The following OPHN1 variants were observed in gnomAD, a reference collection of about 807,000 sequenced individuals.
The protein encoded by OPHN1 is oligophrenin 1, also known as oligophrenin-1.
OPHN1 carries 11 observed loss-of-function variants against 60.7 expected under a neutral mutation model. The ratio of observed to expected loss-of-function variants is 0.18; its 90% CI spans 0.11 to 0.30. The LOEUF is 0.30. OPHN1 is among the 10% of genes least tolerant of loss of function. The pLI is 1.00. For synonymous variants in OPHN1, 226 were observed against 222.6 expected, an observed-to-expected ratio of 1.02 and a Z score of -0.14; for missense variants, 449 against 611.0, an observed-to-expected ratio of 0.73 and a Z score of 2.80.
At chrX:68,225,694 G>C (rs745773955) in intron 6 of OPHN1, among the ~76,000 whole-genome samples, 1 of 112,057 alleles carries the variant, frequency 8.9e-6, no homozygotes, top group African/African-American at 3.2e-5. Flanking sequence ...CAAACAGAAA[G>C]GACATCCACA....
intron 17 of OPHN1, among the ~76,000 whole-genome samples, 191 bp downstream of exon 17, chrX:68,112,990 A>C (rs1453325042): frequency 8.9e-6 from 1 of 112,200 alleles, no homozygotes; most frequent in Admixed American, 9.5e-5. Context: ...AACACTAATT[A>C]TGAAAAATAA....
chrX:68,083,054 CTTTTTTT>C (rs869083899), intron 19 of OPHN1, among the ~76,000 whole-genome samples: 39 of 37,453 alleles, frequency 1.0e-3, no homozygotes, highest in Non-Finnish European at 1.3e-3. Flanking sequence ...CTGCTAGTTT[CTTTTTTT>C]TTTTTTTTTT....
At position 68,356,640 on chromosome X, in the gene OPHN1, T is replaced by C. The variant is rs754940972; in HGVS notation, c.155-57544A>G. ...GTTGCCCAGGCTGGTGTCAAACTCC[T>C]GACCTCAAGTGATCCACTTGCCTTG... On this transcript the variant is annotated intron_variant, in intron 2 of 24. Transcript: ENST00000355520. Among the ~76,000 whole-genome samples, 403 of 111,070 alleles carry C rather than the reference T, an allele frequency of 3.6e-3. 1 individual carries two copies. The highest frequency in any genetic ancestry group is 5.9e-3 in the Non-Finnish European group (312 of 53,075).
At chrX:68,277,689 G>C (rs898712609) in intron 4 of OPHN1, among the ~76,000 whole-genome samples, 1 of 111,476 alleles carries the variant, frequency 9.0e-6, no homozygotes, top group Admixed American at 9.5e-5. Context: ...TACTCGGGAG[G>C]CTGAGGCAGG....
At chrX:68,285,309 T>C (rs2078036419) in intron 3 of OPHN1, among the ~76,000 whole-genome samples, 1 of 111,808 alleles carries the variant, frequency 8.9e-6, no homozygotes, top group African/African-American at 3.2e-5. Context: ...GTTGGAAAGT[T>C]TGGTTATTGA....
intron 2 of OPHN1, among the ~76,000 whole-genome samples, chrX:68,374,095 T>A (rs6625301): frequency 9.0e-6 from 1 of 110,859 alleles, no homozygotes; most frequent in South Asian, 3.8e-4. Flanking sequence ...CGGTGGCTCA[T>A]GCCTGTAATC....
intron 5 of OPHN1, among the ~76,000 whole-genome samples, chrX:68,257,019 G>A (rs895686457): frequency 9.5e-6 from 1 of 105,146 alleles, no homozygotes; most frequent in African/African-American, 3.5e-5. Context: ...GTGACAGAGC[G>A]AGACTCCATC....
At chrX:68,119,760 G>A (rs765149463) in intron 15 of OPHN1, among the ~76,000 whole-genome samples, 4 of 111,055 alleles carry the variant, frequency 3.6e-5, no homozygotes, top group South Asian at 3.9e-4. Context: ...TAATATGCTC[G>A]GATTTGAGAG....
chrX:68,323,055 C>A (rs2078243181), intron 2 of OPHN1, among the ~76,000 whole-genome samples: 1 of 111,014 alleles, frequency 9.0e-6, no homozygotes, highest in South Asian at 3.8e-4. Flanking sequence ...AAAGGGGTAG[C>A]ATGAAGGAAG....
intron 5 of OPHN1, among the ~76,000 whole-genome samples, chrX:68,240,346 T>G (rs1446082930): frequency 8.9e-6 from 1 of 111,972 alleles, no homozygotes; most frequent in African/African-American, 3.2e-5. Flanking sequence ...ATGAAAGGAT[T>G]TGAACCGACT....
chrX:68,376,668 G>A (rs751901435), intron 2 of OPHN1, among the ~76,000 whole-genome samples: 2 of 110,820 alleles, frequency 1.8e-5, no homozygotes, highest in Non-Finnish European at 3.8e-5. Flanking sequence ...CTCCCTGAAG[G>A]CTGCCTTGGC....
intron 23 of OPHN1, among the ~76,000 whole-genome samples, chrX:68,048,817 C>A (rs919789203): frequency 9.0e-6 from 1 of 111,714 alleles, no homozygotes. Flanking sequence ...AAAGATGAAT[C>A]CTCCTTTGCC....
intron 2 of OPHN1, among the ~76,000 whole-genome samples, chrX:68,399,805 G>A (rs1602388840): frequency 9.6e-6 from 1 of 103,780 alleles, no homozygotes; most frequent in Non-Finnish European, 2.0e-5. Flanking sequence ...CATTGGTCTT[G>A]TTTTAGTTTC....
At chrX:68,219,371 A>C (rs376648516) in intron 6 of OPHN1, among the ~76,000 whole-genome samples, 25 of 96,175 alleles carry the variant, frequency 2.6e-4, no homozygotes, top group African/African-American at 3.4e-4. Flanking sequence ...GACAGATCAA[A>C]GAGACAGAAA....
chrX:68,202,430 T>A (rs7885177), intron 10 of OPHN1, among the ~76,000 whole-genome samples: 11,214 of 111,138 alleles, frequency 0.1, 1,430 homozygotes, highest in African/African-American at 0.35. Context: ...CCCTCTCTTA[T>A]CTCAACAGAG....
intron 2 of OPHN1, among the ~76,000 whole-genome samples, chrX:68,423,206 T>C (rs1406978601): frequency 9.0e-6 from 1 of 110,805 alleles, no homozygotes; most frequent in African/African-American, 3.3e-5. Context: ...TTTGTATTTT[T>C]AGTAGAGACA....
At chrX:68,236,414 A>G (rs2077753233) in intron 5 of OPHN1, among the ~76,000 whole-genome samples, 1 of 112,498 alleles carries the variant, frequency 8.9e-6, no homozygotes, top group Admixed American at 9.4e-5. Context: ...TTCTCATATC[A>G]TAAAACTCAT....
At chrX:68,380,387 T>G (rs1459009034) in intron 2 of OPHN1, among the ~76,000 whole-genome samples, 4 of 111,564 alleles carry the variant, frequency 3.6e-5, no homozygotes, top group South Asian at 7.6e-4. Flanking sequence ...CGAGCTCCTG[T>G]ATTCATTGAT....
intron 6 of OPHN1, among the ~76,000 whole-genome samples, chrX:68,221,806 A>C (rs1346928331): frequency 6.6e-5 from 6 of 91,194 alleles, no homozygotes; most frequent in Non-Finnish European, 1.1e-4. Flanking sequence ...TAAACGTTAG[A>C]CCTAAAACCA....
Sources: gnomAD v4.1 joint callset for allele counts (sites outside exome capture counted in the v4.1 genomes callset) on GRCh38, gnomAD v4.1.1 for gene constraint, MANE v1.5 for transcripts, NCBI Gene and HGNC (gene_info 2026-07-23, HGNC 2026-07-21) for gene names.